The following DNAJC3 variants were observed in gnomAD, a reference collection of about 807,000 sequenced individuals.
The protein encoded by DNAJC3 is DnaJ heat shock protein family (Hsp40) member C3.
Under a neutral mutation model 68.6 loss-of-function variants are expected in DNAJC3, and 38 were observed. The observed-to-expected ratio is 0.55, with a 90% CI of 0.43 to 0.73. The LOEUF (loss-of-function observed/expected upper bound fraction) is 0.73, where lower values mean the gene tolerates loss of function less well. Ranked by LOEUF, DNAJC3 falls within the 30% of genes least tolerant of loss-of-function variation. The pLI is 0.00. For synonymous variants in DNAJC3, 203 were observed against 204.0 expected (o/e 1.00, Z 0.04); for missense variants, 526 against 591.9 (o/e 0.89, Z 1.16).
intron 1 of DNAJC3, among the ~76,000 whole-genome samples, chr13:95,706,274 C>G (rs1432655762): frequency 2.0e-5 from 3 of 152,162 alleles, no homozygotes; most frequent in African/African-American, 7.2e-5. Context: ...GACAATATGG[C>G]CCATCCATTA....
intron 1 of DNAJC3, among the ~76,000 whole-genome samples, chr13:95,678,617 C>T (rs1879831767): frequency 1.3e-5 from 2 of 152,136 alleles, no homozygotes; most frequent in Non-Finnish European, 2.9e-5. Context: ...AGCTTCATTC[C>T]TCCTGCCCCC....
At chr13:95,690,653 C>T (rs1402840584) in intron 1 of DNAJC3, among the ~76,000 whole-genome samples, 8 of 143,514 alleles carry the variant, frequency 5.6e-5, no homozygotes, top group Non-Finnish European at 7.7e-5. Context: ...GGCGGCTGGC[C>T]GGGCGGGGGG....
intron 1 of DNAJC3, among the ~76,000 whole-genome samples, chr13:95,698,527 C>G (rs1038959435): frequency 2.0e-5 from 3 of 152,216 alleles, no homozygotes; most frequent in Non-Finnish European, 1.5e-5. Context: ...GCTTCATGTC[C>G]TGGACAGGGA....
intron 3 of DNAJC3, 105 bp from the exon 4 acceptor site, chr13:95,725,069 AAAAT>A: frequency 1.4e-6 from 1 of 697,624 alleles, no homozygotes; most frequent in Non-Finnish European, 2.1e-6. Flanking sequence ...GTGCACTGGA[AAAAT>A]AAATATTTAT....
At chr13:95,756,244 T>G (rs1882658635) in intron 4 of DNAJC3, among the ~76,000 whole-genome samples, 1 of 152,086 alleles carries the variant, frequency 6.6e-6, no homozygotes, top group Non-Finnish European at 1.5e-5. Context: ...TCCGATGGGG[T>G]TTATCCGAAG....
intron 9 of DNAJC3, among the ~76,000 whole-genome samples, chr13:95,779,957 T>C (rs780034333): frequency 1.3e-5 from 2 of 152,246 alleles, no homozygotes; most frequent in Non-Finnish European, 2.9e-5. Context: ...TAAAATGAGT[T>C]GGAGTTCACT....
intron 7 of DNAJC3, among the ~76,000 whole-genome samples, chr13:95,761,155 A>G (rs1882808961): frequency 6.6e-6 from 1 of 152,220 alleles, no homozygotes; most frequent in Admixed American, 6.5e-5. Flanking sequence ...TTGATTATTA[A>G]AAGACAATAT....
intron 1 of DNAJC3, among the ~76,000 whole-genome samples, chr13:95,707,473 T>C (rs1432875968): frequency 2.0e-5 from 3 of 152,308 alleles, no homozygotes; most frequent in Non-Finnish European, 4.4e-5. Flanking sequence ...CTTAGTTAAT[T>C]GTGACTCCAA....
chr13:95,759,553 A>G (rs1033096937), intron 5 of DNAJC3, among the ~76,000 whole-genome samples: 1 of 152,202 alleles, frequency 6.6e-6, no homozygotes, highest in African/African-American at 2.4e-5. Context: ...GCATGAGTCA[A>G]TGTGCCCAGC....
At chr13:95,727,342 C>T (rs1881564670) in intron 4 of DNAJC3, among the ~76,000 whole-genome samples, 1 of 152,088 alleles carries the variant, frequency 6.6e-6, no homozygotes, top group African/African-American at 2.4e-5. Context: ...GGGTTAATGT[C>T]TTTTCTGTGA....
At chr13:95,689,799 C>G (rs1299560504) in intron 1 of DNAJC3, among the ~76,000 whole-genome samples, 2 of 152,034 alleles carry the variant, frequency 1.3e-5, no homozygotes, top group Non-Finnish European at 2.9e-5. Flanking sequence ...TGCTATGTTT[C>G]TGTTTTCATT....
intron 9 of DNAJC3, among the ~76,000 whole-genome samples, chr13:95,779,121 T>C (rs1489864506): frequency 5.6e-5 from 1 of 17,916 alleles, no homozygotes. Flanking sequence ...TCTTCTTTCT[T>C]TTTTTTTTTT....
At chr13:95,784,527 A>G (rs555989395) in intron 9 of DNAJC3, among the ~76,000 whole-genome samples, 90 of 152,202 alleles carry the variant, frequency 5.9e-4, no homozygotes, top group Non-Finnish European at 6.8e-4. Context: ...CACTGCACCC[A>G]GAGTTTTTTT....
In DNAJC3 at chr13:95,729,376, T is replaced by TTCTCCCTCTCCCTCTCCC. The variant is rs374776275; in HGVS notation, c.393+4135_393+4152dup. 4.7e-3 allele frequency among the ~76,000 whole-genome samples: 608 copies of TTCTCCCTCTCCCTCTCCC among 128,298 alleles called. 5 individuals carry two copies. The highest frequency in any genetic ancestry group is 7.4e-3 in the Non-Finnish European group (444 of 60,054). The allele number at this position is 128,298 out of a possible 152,430, so 84.2% of individuals were successfully genotyped here. On this transcript the variant is annotated intron_variant, in intron 4 of 11. Transcript: ENST00000602402. Reference sequence around the variant, plus strand: ...CCCATCCTTCTCCCTCTGCCTATCCTTCTCCCTCTCCCTCTCCCTCTCCCT... The same window carrying TTCTCCCTCTCCCTCTCCC: ...CCCATCCTTCTCCCTCTGCCTATCCTTCTCCCTCTCCCTCTCCCTCTCCCTCTCCCTCTCCCTCTCCCT...
Position 95,760,078 on chromosome 13 carries a change from T to G in DNAJC3, c.585T>G (p.Ala195=). The G allele has an allele frequency of 1.2e-6, 2 of 1,609,136 alleles. No homozygotes were observed. ...VWDAELRELR[A]ECFIKEGEPR... ...ATGCAGAACTACGGGAACTTCGAGC[T>G]GAATGTTTTATAAAAGAAGGAGAAC... is the stretch of plus-strand genomic sequence containing the variant. Residue 195 remains alanine (A), a synonymous_variant, in exon 6 of 12, where the codon GCT becomes GCG. Coordinates refer to ENST00000602402, the MANE Select transcript of DNAJC3 (RefSeq NM_006260.5).
At chr13:95,771,218 A>G (rs1388835018) in intron 9 of DNAJC3, among the ~76,000 whole-genome samples, 1 of 152,214 alleles carries the variant, frequency 6.6e-6, no homozygotes, top group Non-Finnish European at 1.5e-5. Flanking sequence ...CTTTAGGGAT[A>G]ATTTTAGATA....
intron 1 of DNAJC3, among the ~76,000 whole-genome samples, chr13:95,697,611 A>T (rs73550530): frequency 0.03 from 4,563 of 152,094 alleles, 237 homozygotes; most frequent in African/African-American, 0.11. Flanking sequence ...ATGTTTTTTT[A>T]AAATTTCTTA....
At chr13:95,770,438 A>G (rs1393276412) in intron 9 of DNAJC3, among the ~76,000 whole-genome samples, 1 of 152,198 alleles carries the variant, frequency 6.6e-6, no homozygotes, top group Non-Finnish European at 1.5e-5. Context: ...CAGAACTGCA[A>G]TTATTTTCTT....
chr13:95,783,034 C>G (rs774197144), intron 9 of DNAJC3, among the ~76,000 whole-genome samples: 5 of 152,192 alleles, frequency 3.3e-5, no homozygotes, highest in Non-Finnish European at 7.3e-5. Flanking sequence ...CCACATATGG[C>G]TAGCCAGTTT....
Sources: gnomAD v4.1 joint callset for allele counts (sites outside exome capture counted in the v4.1 genomes callset) on GRCh38, gnomAD v4.1.1 for gene constraint, MANE v1.5 for transcripts, NCBI Gene and HGNC (gene_info 2026-07-23, HGNC 2026-07-21) for gene names.